The following TMEM64 variants were observed in gnomAD, a reference collection of about 807,000 sequenced individuals.
TMEM64 encodes the protein transmembrane protein 64.
Under a neutral mutation model 24.5 loss-of-function variants are expected in TMEM64, and 19 were observed. That is an observed-to-expected ratio of 0.78 (90% CI 0.54 to 1.14). The LOEUF (loss-of-function observed/expected upper bound fraction) is 1.14, where lower values mean the gene tolerates loss of function less well. Ranked by LOEUF, TMEM64 falls within the 50% of genes most tolerant of loss-of-function variation. The probability of loss-of-function intolerance (pLI) is 0.00; values close to 1 mark genes in which losing one functional copy is unlikely to be tolerated. For synonymous variants in TMEM64, 262 were observed against 224.7 expected (o/e 1.17, Z -1.49); for missense variants, 487 against 493.0 (o/e 0.99, Z 0.12).
In TMEM64 at chr8:90,631,565, A is replaced by C. The variant is rs1375484569; in HGVS notation, c.938T>G (p.Val313Gly). Residue 313 changes from valine (V) to glycine (G), a missense_variant, in exon 2 of 3, where the codon GTT (valine) becomes GGT (glycine). Physicochemically the swap from Val to Gly is moderately radical, Grantham distance 109. Around this residue, in one of 3 missense-constraint regions of TMEM64, gnomAD observed 10 missense variants for 27.3 expected, o/e 0.37. Coordinates refer to ENST00000458549, the MANE Select transcript of TMEM64 (RefSeq NM_001008495.4). The stretch of plus-strand genomic sequence containing the variant: ...CCTTAAACTCACCTGTAAACAAAAA[A>C]CAAAATATCCACTAACACTCTGTTC... ...IAEQSVSGYFVFCLQIIISIG... is the reference protein window; with the variant it reads ...IAEQSVSGYFGFCLQIIISIG... The C allele has an allele frequency of 5.0e-6, 8 of 1,595,362 alleles. No homozygotes were observed. Among genetic ancestry groups the C allele is most frequent in the Non-Finnish European group, 6.0e-6 (7 of 1,166,620 alleles).
chr8:90,628,610 T>C (rs1423751710), intron 2 of TMEM64, among the ~76,000 whole-genome samples: 1 of 147,776 alleles, frequency 6.8e-6, no homozygotes, highest in Non-Finnish European at 1.5e-5. Flanking sequence ...AAAACTTGGA[T>C]GTATTCAGGT....
chr8:90,639,339 ATTTAT>A (rs1170897104), intron 1 of TMEM64, among the ~76,000 whole-genome samples: 1 of 152,088 alleles, frequency 6.6e-6, no homozygotes, highest in African/African-American at 2.4e-5. Context: ...GAGGTCACCA[ATTTAT>A]TTGAGAATCT....
Position 90,645,120 on chromosome 8 carries a change from T to A in TMEM64, c.786A>T (p.Ala262=). The A allele has an allele frequency of 6.2e-7, 1 of 1,605,304 alleles. No homozygotes were observed. Among genetic ancestry groups the A allele is most frequent in the Non-Finnish European group, 8.5e-7 (1 of 1,173,174 alleles). ...LTPIPFGLQN[A]VFSITDLSLP... ...GCGGGACCCCACTTACCGAAAACAC[T>A]GCATTCTGAAGCCCAAAAGGTATGG... The change falls in exon 1 of 3, where the codon GCA becomes GCT. Residue 262 remains alanine (A), a synonymous_variant. Coordinates refer to ENST00000458549, the MANE Select transcript of TMEM64 (RefSeq NM_001008495.4). The surrounding 1 kb of genome is among the most constrained non-coding windows in gnomAD (Gnocchi z 4.2).
At chr8:90,642,225 T>C (rs1809614523) in intron 1 of TMEM64, among the ~76,000 whole-genome samples, 1 of 152,176 alleles carries the variant, frequency 6.6e-6, no homozygotes, top group Non-Finnish European at 1.5e-5. Context: ...GTATCAGCTT[T>C]TTTAAGCCTC....
At position 90,622,814 on chromosome 8, in the gene TMEM64, A is replaced by G. The variant is rs1809301140; in HGVS notation, c.*2857T>C. ...GCATGTGTAGCTGGTTACAAAGTGC[A>G]TCAAGGGAGAGAATGGCTGGCTCTG... is the stretch of plus-strand genomic sequence containing the variant. On this transcript the variant is annotated 3_prime_UTR_variant, in exon 3 of 3. Coordinates refer to ENST00000458549, the MANE Select transcript of TMEM64 (RefSeq NM_001008495.4). 2.0e-5 allele frequency: 3 copies of G among 152,216 alleles called. No homozygotes were observed. Among genetic ancestry groups the G allele is most frequent in the Non-Finnish European group, 4.4e-5 (3 of 68,020 alleles). The allele number at this position is 152,216 out of a possible 1,614,324, so 9.4% of individuals were successfully genotyped here.
At chr8:90,636,325 G>A (rs569632655) in intron 1 of TMEM64, among the ~76,000 whole-genome samples, 41 of 152,180 alleles carry the variant, frequency 2.7e-4, no homozygotes, top group African/African-American at 7.9e-4. Flanking sequence ...GCACGATCTC[G>A]GCTCACTGCA....
intron 2 of TMEM64, among the ~76,000 whole-genome samples, chr8:90,626,122 T>C (rs1025977789): frequency 1.3e-5 from 2 of 152,212 alleles, no homozygotes; most frequent in African/African-American, 4.8e-5. Context: ...TTGGTTCACT[T>C]GATACAAGCC....
At chr8:90,628,391 A>G (rs913231239) in intron 2 of TMEM64, among the ~76,000 whole-genome samples, 1 of 152,244 alleles carries the variant, frequency 6.6e-6, no homozygotes, top group Non-Finnish European at 1.5e-5. Flanking sequence ...AAAGATGGAA[A>G]CAGGCGAAGG....
At chr8:90,629,134 T>A (rs1809403310) in intron 2 of TMEM64, among the ~76,000 whole-genome samples, 1 of 152,216 alleles carries the variant, frequency 6.6e-6, no homozygotes. Context: ...GTAAGCTGCA[T>A]TAAATGCCTC....
intron 1 of TMEM64, among the ~76,000 whole-genome samples, chr8:90,632,618 G>A (rs1221375101): frequency 1.3e-5 from 2 of 152,298 alleles, no homozygotes; most frequent in Middle Eastern, 3.4e-3. Context: ...CAGCACGCCA[G>A]GCCCTACTTT....
intron 1 of TMEM64, among the ~76,000 whole-genome samples, chr8:90,636,490 A>G (rs1230197528): frequency 2.0e-5 from 3 of 152,202 alleles, no homozygotes; most frequent in Non-Finnish European, 4.4e-5. Flanking sequence ...TCCTGACCTC[A>G]TGATCTGCCT....
chr8:90,645,304 C>CTCA lies in TMEM64; in HGVS notation c.601_602insTGA (p.Gly201delinsValSer). 1 of 1,583,162 alleles carries CTCA rather than the reference C, an allele frequency of 6.3e-7. No homozygotes were observed. The highest frequency in any genetic ancestry group is 8.6e-7 in the Non-Finnish European group (1 of 1,164,362). The stretch of plus-strand genomic sequence containing the variant: ...GGCGATGAAGGTGCCGATGAGGACG[C>CTCA]CCACCATCATCAGACCCATGCCCAG... On this transcript the variant is annotated protein_altering_variant, in exon 1 of 3. Coordinates refer to ENST00000458549, the MANE Select transcript of TMEM64 (RefSeq NM_001008495.4). This position sits in a 1 kb window ranked among gnomAD's most constrained non-coding sequence, Gnocchi z 4.2.
chr8:90,637,020 T>A (rs1419182463), intron 1 of TMEM64, among the ~76,000 whole-genome samples: 2 of 152,198 alleles, frequency 1.3e-5, no homozygotes, highest in Non-Finnish European at 2.9e-5. Flanking sequence ...CTTGGAGATG[T>A]GATTCACTTA....
intron 2 of TMEM64, among the ~76,000 whole-genome samples, chr8:90,626,539 G>C (rs765636190): frequency 2.6e-5 from 4 of 151,898 alleles, no homozygotes; most frequent in African/African-American, 4.8e-5. Context: ...TCTTAGCTTA[G>C]CTATTCACTA....
chr8:90,635,664 G>C (rs1180492471), intron 1 of TMEM64, among the ~76,000 whole-genome samples: 1 of 152,010 alleles, frequency 6.6e-6, no homozygotes, highest in African/African-American at 2.4e-5. Flanking sequence ...AGCTGAGCAA[G>C]GTTCCTTCTT....
At chr8:90,628,624 G>T (rs1809395431) in intron 2 of TMEM64, among the ~76,000 whole-genome samples, 1 of 133,660 alleles carries the variant, frequency 7.5e-6, no homozygotes, top group Non-Finnish European at 1.6e-5. Flanking sequence ...TTCAGGTTTG[G>T]GGTTTTGGTT....
rs1809684373 is a variant in TMEM64 at position 90,645,591 on chromosome 8, C to T, written c.315G>A (p.Glu105=). 3 of 1,539,664 alleles carry T rather than the reference C, an allele frequency of 1.9e-6. No individual in the cohort carries two copies. Among genetic ancestry groups the T allele is most frequent in the Non-Finnish European group, 2.6e-6 (3 of 1,145,812 alleles). ...GGGGVVVGVA[E]VRNWRCCCLG... is the part of the protein sequence containing the mutation. ...GGCAGCAGCAGCGCCAGTTTCTCAC[C>T]TCAGCCACGCCGACCACCACGCCGC... Residue 105 remains glutamate (E), a synonymous_variant, in exon 1 of 3, where the codon GAG becomes GAA. Coordinates refer to ENST00000458549, the MANE Select transcript of TMEM64 (RefSeq NM_001008495.4). The surrounding 1 kb of genome is among the most constrained non-coding windows in gnomAD (Gnocchi z 4.2).
Position 90,643,350 on chromosome 8 carries a change from C to A in TMEM64, c.795+1761G>T, listed in dbSNP as rs1809635969. 2.0e-5 allele frequency among the ~76,000 whole-genome samples: 3 copies of A among 152,116 alleles called. No individual in the cohort carries two copies. The South Asian group carries it at 6.2e-4, about 31-fold the overall frequency. Reference sequence around the variant, plus strand: ...CATCTCATGTAATCTTCTCAATAATCCTATGGAAGTAGGTATCATTACTTT... The same window carrying A: ...CATCTCATGTAATCTTCTCAATAATACTATGGAAGTAGGTATCATTACTTT... On this transcript the variant is annotated intron_variant, in intron 1 of 2. Transcript: ENST00000458549.
At chr8:90,639,422 G>A (rs988695463) in intron 1 of TMEM64, among the ~76,000 whole-genome samples, 1 of 152,126 alleles carries the variant, frequency 6.6e-6, no homozygotes, top group East Asian at 1.9e-4. Flanking sequence ...CTCAAGGGGG[G>A]AAAAATGTAT....
Sources: allele counts gnomAD v4.1 joint callset (sites outside exome capture counted in the v4.1 genomes callset), GRCh38; gene constraint gnomAD v4.1.1; regional missense constraint gnomAD v4.1.1; non-coding constraint Gnocchi (gnomAD v3.1); transcripts MANE v1.5; gene names NCBI Gene and HGNC (gene_info 2026-07-23, HGNC 2026-07-21).